PGBD2: variants seen among roughly 807,000 people sequenced by gnomAD.
PGBD2 encodes the protein piggyBac transposable element derived 2.
A neutral mutation model predicts 8.1 loss-of-function variants in PGBD2; 6 were observed. The ratio of observed to expected loss-of-function variants is 0.74; its 90% confidence interval spans 0.40 to 1.46. The LOEUF is 1.46. PGBD2 is among the 40% of genes most tolerant of loss of function. The probability of loss-of-function intolerance (pLI) is 0.02; values close to 1 mark genes in which losing one functional copy is unlikely to be tolerated. For missense variants in PGBD2, 802 were observed against 739.0 expected (o/e 1.09, Z -0.99); for synonymous variants, 318 against 272.2 (o/e 1.17, Z -1.66).
chr1:248,883,587 T>TTC, the PGBD2 span, among the ~76,000 whole-genome samples: 4 of 133,662 alleles, frequency 3.0e-5, no homozygotes, highest in African/African-American at 1.2e-4. Context: ...TTTTTTTCTT[T>TTC]TTTTTTTTTT....
chr1:248,878,922 AT>A, the PGBD2 span, among the ~76,000 whole-genome samples: 1 of 152,276 alleles, frequency 6.6e-6, no homozygotes, highest in Admixed American at 6.5e-5. Context: ...TAATGGTCCT[AT>A]AAAATCTATC....
At chr1:248,898,136 C>A in the PGBD2 span, among the ~76,000 whole-genome samples, 1 of 152,200 alleles carries the variant, frequency 6.6e-6, no homozygotes, top group Non-Finnish European at 1.5e-5. Context: ...GCAGTTCAGC[C>A]GACAGCCTTT....
rs1235457098 is a variant in PGBD2 at position 248,917,904 on chromosome 1, A to T, written c.1320A>T (p.Ala440=). ...GGCTGACCAGTCGTCACTCTGGAGC[A>T]GCTAAAACGCGGACTCAGGTCCACC... ...PVRLTSRHSG[A]AKTRTQVHQP... Residue 440 remains alanine, a synonymous_variant, in exon 3 of 3, where the codon GCA becomes GCT. Coordinates refer to ENST00000329291, the MANE Select transcript of PGBD2 (RefSeq NM_170725.3). 11 of 1,614,130 alleles carry T rather than the reference A, an allele frequency of 6.8e-6. No homozygotes were observed. The highest frequency in any genetic ancestry group is 9.3e-6 in the Non-Finnish European group (11 of 1,180,048).
chr1:248,925,579 T>G, the PGBD2 span, among the ~76,000 whole-genome samples: 1 of 151,856 alleles, frequency 6.6e-6, no homozygotes, highest in South Asian at 2.1e-4. Context: ...ACTTTTTTTT[T>G]TTTTTTTTGG....
At chr1:248,910,628 T>G (rs1661837899) in intron 1 of PGBD2, among the ~76,000 whole-genome samples, 1 of 152,224 alleles carries the variant, frequency 6.6e-6, no homozygotes, top group South Asian at 2.1e-4. Context: ...GTCTTTCTTC[T>G]GCACCTCACA....
At chr1:248,909,359 A>G (rs1473917180) in intron 1 of PGBD2, among the ~76,000 whole-genome samples, 3 of 152,150 alleles carry the variant, frequency 2.0e-5, no homozygotes, top group Non-Finnish European at 4.4e-5. Context: ...GGTATTTCCT[A>G]TGCGTGGTTT....
At chr1:248,926,413 G>T in the PGBD2 span, among the ~76,000 whole-genome samples, 91 of 152,264 alleles carry the variant, frequency 6.0e-4, 1 homozygote, top group Admixed American at 5.8e-3. Context: ...TTATGGAAAG[G>T]TAGTGCATTC....
At chr1:248,881,980 T>C in the PGBD2 span, among the ~76,000 whole-genome samples, 1 of 152,206 alleles carries the variant, frequency 6.6e-6, no homozygotes, top group South Asian at 2.1e-4. Flanking sequence ...AAAAAGTGCA[T>C]AGAGCAGTAT....
the PGBD2 span, among the ~76,000 whole-genome samples, chr1:248,874,764 C>G: frequency 6.6e-6 from 1 of 152,096 alleles, no homozygotes. Flanking sequence ...TCTATCTTTT[C>G]ATTTTTTAAA....
At chr1:248,926,248 C>G in the PGBD2 span, among the ~76,000 whole-genome samples, 1 of 152,092 alleles carries the variant, frequency 6.6e-6, no homozygotes, top group African/African-American at 2.4e-5. Context: ...TTCAGAATAT[C>G]TAGGTGTAAA....
At position 248,918,418 on chromosome 1, in the gene PGBD2, A is replaced by G. The variant is rs1293838652; in HGVS notation, c.*55A>G. The G allele has an allele frequency of 2.0e-6, 3 of 1,483,148 alleles. No homozygotes were observed. The highest frequency in any genetic ancestry group is 2.7e-6 in the Non-Finnish European group (3 of 1,109,006). The allele number at this position is 1,483,148 out of a possible 1,614,324, so 91.9% of individuals were successfully genotyped here. A position where few individuals can be genotyped will look rare whatever the true frequency, so the allele number is the denominator to read the frequency against. On this transcript the variant is annotated 3_prime_UTR_variant, in exon 3 of 3. Transcript: ENST00000329291. ...ATGAGATGTTTACAGTTAAATACAG[A>G]TGGCAGTTGAGCACTTCTGTTTTGT...
the PGBD2 span, among the ~76,000 whole-genome samples, chr1:248,891,971 C>A: frequency 2.6e-5 from 4 of 152,138 alleles, no homozygotes; most frequent in African/African-American, 9.7e-5. Flanking sequence ...GTTGATTCAG[C>A]AGAAAAAAAG....
upstream of PGBD2, among the ~76,000 whole-genome samples, chr1:248,903,233 C>T (rs1017107903): frequency 6.6e-6 from 1 of 152,112 alleles, no homozygotes; most frequent in African/African-American, 2.4e-5. Flanking sequence ...GGGTCTCATT[C>T]TGTCACCTAG....
chr1:248,883,589 T>C, the PGBD2 span, among the ~76,000 whole-genome samples: 313 of 135,398 alleles, frequency 2.3e-3, no homozygotes, highest in South Asian at 9.0e-3. Context: ...TTTTTCTTTT[T>C]TTTTTTTTTT....
At chr1:248,878,756 A>G in the PGBD2 span, among the ~76,000 whole-genome samples, 1 of 152,276 alleles carries the variant, frequency 6.6e-6, no homozygotes, top group South Asian at 2.1e-4. Flanking sequence ...TTTCCTGGTT[A>G]CTTTCAATTA....
At chr1:248,896,309 C>G in the PGBD2 span, among the ~76,000 whole-genome samples, 1 of 152,028 alleles carries the variant, frequency 6.6e-6, no homozygotes, top group Non-Finnish European at 1.5e-5. Flanking sequence ...ATTTTGAAAC[C>G]TCTTAGTCTC....
At chr1:248,906,188 G>C (rs1005177650), upstream of PGBD2, 5 of 151,936 alleles carry the variant, frequency 3.3e-5, no homozygotes. Flanking sequence ...CTGGCCCGGG[G>C]GCGTGGCATG....
At chr1:248,891,428 G>A in the PGBD2 span, among the ~76,000 whole-genome samples, 1 of 152,186 alleles carries the variant, frequency 6.6e-6, no homozygotes, top group Non-Finnish European at 1.5e-5. Context: ...TGGGTTTCAT[G>A]ATATAAATTT....
At chr1:248,900,937 T>G in the PGBD2 span, among the ~76,000 whole-genome samples, 2 of 152,154 alleles carry the variant, frequency 1.3e-5, no homozygotes, top group Admixed American at 6.5e-5. Context: ...AGCATTCCTA[T>G]GTACCAAGAA....
Sources: gnomAD v4.1 joint callset for allele counts (sites outside exome capture counted in the v4.1 genomes callset) on GRCh38, gnomAD v4.1.1 for gene constraint, MANE v1.5 for transcripts, NCBI Gene and HGNC (gene_info 2026-07-23, HGNC 2026-07-21) for gene names.